The following GPC5 variants were observed in gnomAD, a reference collection of about 807,000 sequenced individuals.
The protein encoded by GPC5 is glypican-5.
In GPC5, 47 loss-of-function variants were observed where a neutral mutation model predicts 53.9. The ratio of observed to expected loss-of-function variants is 0.87; its 90% CI spans 0.69 to 1.11. The LOEUF (loss-of-function observed/expected upper bound fraction) is 1.11. GPC5 is among the 50% of genes most tolerant of loss of function. GPC5 has a pLI of 0.00. For missense variants in GPC5, 748 were observed against 713.1 expected (o/e 1.05, Z -0.56); for synonymous variants, 286 against 263.3 (o/e 1.09, Z -0.84).
chr13:91,834,228 G>C (rs2038696926), intron 5 of GPC5, among the ~76,000 whole-genome samples: 3 of 152,068 alleles, frequency 2.0e-5, no homozygotes, highest in South Asian at 2.1e-4. Context: ...ACAAACCACT[G>C]CTCAAGGCAA....
At chr13:91,551,739 T>TTGAA (rs755012888) in intron 2 of GPC5, among the ~76,000 whole-genome samples, 3 of 152,110 alleles carry the variant, frequency 2.0e-5, no homozygotes, top group Admixed American at 6.6e-5. Flanking sequence ...ACTTTTGAAT[T>TTGAA]TGAATGAATT....
intron 7 of GPC5, among the ~76,000 whole-genome samples, chr13:92,444,869 T>G (rs1352302938): frequency 6.6e-6 from 1 of 152,038 alleles, no homozygotes; most frequent in East Asian, 1.9e-4. Flanking sequence ...CATAGTCCAG[T>G]GACTCAGAGG....
chr13:91,687,889 T>C (rs1457029297), intron 2 of GPC5, among the ~76,000 whole-genome samples: 1 of 152,124 alleles, frequency 6.6e-6, no homozygotes, highest in African/African-American at 2.4e-5. Context: ...GTATTATAAC[T>C]GTAATGAAAG....
intron 7 of GPC5, among the ~76,000 whole-genome samples, chr13:92,443,046 A>G (rs944656442): frequency 2.0e-5 from 3 of 152,192 alleles, no homozygotes; most frequent in African/African-American, 7.2e-5. Flanking sequence ...ACAACCCTGC[A>G]GACTGCACAA....
Position 91,693,701 on chromosome 13 carries a change from C to G in GPC5, c.840C>G (p.Gly280=). 1 of 1,614,180 alleles carries G rather than the reference C, an allele frequency of 6.2e-7. No homozygotes were observed. The highest frequency in any genetic ancestry group is 1.3e-5 in the African/African-American group (1 of 75,056). The change falls in exon 3 of 8, where the codon GGC becomes GGG. Residue 280 remains glycine (G), a synonymous_variant. Transcript: ENST00000377067. Reference sequence around the variant, plus strand: ...GATACTGCCTCAATGTCATGCGAGGCTGCCTGGCGCACATGGCGGAGCTTA... The same window carrying G: ...GATACTGCCTCAATGTCATGCGAGGGTGCCTGGCGCACATGGCGGAGCTTA... The part of the protein sequence containing the change: ...CMGYCLNVMR[G]CLAHMAELNP...
At chr13:92,786,141 A>G (rs1876224421) in intron 7 of GPC5, among the ~76,000 whole-genome samples, 1 of 152,154 alleles carries the variant, frequency 6.6e-6, no homozygotes, top group African/African-American at 2.4e-5. Flanking sequence ...ATGATCACAC[A>G]AAATCTTTAT....
chr13:91,993,533 C>T (rs2138739332), intron 6 of GPC5, among the ~76,000 whole-genome samples: 1 of 152,208 alleles, frequency 6.6e-6, no homozygotes, highest in South Asian at 2.1e-4. Flanking sequence ...ATCAAAGTGT[C>T]AGCAGAAACA....
chr13:92,542,145 C>A (rs1464067087), intron 7 of GPC5, among the ~76,000 whole-genome samples: 1 of 151,900 alleles, frequency 6.6e-6, no homozygotes, highest in African/African-American at 2.4e-5. Context: ...GGGTAATTAG[C>A]ATATCCATCA....
At chr13:91,506,857 T>G (rs1468029307) in intron 2 of GPC5, among the ~76,000 whole-genome samples, 1 of 152,160 alleles carries the variant, frequency 6.6e-6, no homozygotes, top group Non-Finnish European at 1.5e-5. Context: ...ACTATTTGAT[T>G]ATTATGGTGA....
At chr13:92,728,960 C>A (rs1034634687) in intron 7 of GPC5, among the ~76,000 whole-genome samples, 1 of 151,236 alleles carries the variant, frequency 6.6e-6, no homozygotes, top group Non-Finnish European at 1.5e-5. Flanking sequence ...CTTATCCTCT[C>A]AGAAAAAAAC....
intron 7 of GPC5, among the ~76,000 whole-genome samples, chr13:92,191,529 G>A (rs2042222671): frequency 1.3e-5 from 2 of 152,078 alleles, no homozygotes; most frequent in African/African-American, 4.8e-5. Flanking sequence ...CTACCCAAAT[G>A]AATTAAAAAC....
chr13:92,864,287 T>C (rs1384798975), intron 7 of GPC5, among the ~76,000 whole-genome samples: 1 of 152,182 alleles, frequency 6.6e-6, no homozygotes, highest in Admixed American at 6.5e-5. Context: ...AACACCTTAA[T>C]GTAAGATGGT....
At chr13:91,554,318 C>T (rs2030818136) in intron 2 of GPC5, among the ~76,000 whole-genome samples, 1 of 151,754 alleles carries the variant, frequency 6.6e-6, no homozygotes, top group African/African-American at 2.4e-5. Context: ...AGAGACTCAA[C>T]ACATGCACGT....
intron 7 of GPC5, among the ~76,000 whole-genome samples, chr13:92,277,956 A>G (rs1466510169): frequency 6.6e-6 from 1 of 151,898 alleles, no homozygotes; most frequent in Non-Finnish European, 1.5e-5. Flanking sequence ...TTTGATTAAA[A>G]CTAATTATAT....
intron 1 of GPC5, among the ~76,000 whole-genome samples, chr13:91,434,242 A>T (rs1295452275): frequency 4.6e-5 from 7 of 152,048 alleles, no homozygotes; most frequent in Admixed American, 2.6e-4. Context: ...TTTGTTGCCA[A>T]CGCTTTTGGT....
At chr13:92,048,932 T>A (rs1429013619) in intron 6 of GPC5, among the ~76,000 whole-genome samples, 1 of 152,198 alleles carries the variant, frequency 6.6e-6, no homozygotes, top group Non-Finnish European at 1.5e-5. Context: ...AGAATAATCA[T>A]GATTTCAGTT....
intron 7 of GPC5, among the ~76,000 whole-genome samples, chr13:92,386,953 A>G (rs560757939): frequency 3.9e-5 from 6 of 152,176 alleles, no homozygotes; most frequent in African/African-American, 1.2e-4. Context: ...TTGGAATTCA[A>G]TTTCCAGTTT....
At chr13:91,953,047 C>T (rs2040041923) in intron 6 of GPC5, among the ~76,000 whole-genome samples, 1 of 152,048 alleles carries the variant, frequency 6.6e-6, no homozygotes, top group African/African-American at 2.4e-5. Context: ...ATATTAGAGA[C>T]TTTTAAAAGT....
intron 7 of GPC5, among the ~76,000 whole-genome samples, chr13:92,379,086 CAA>C (rs1005004050): frequency 3.3e-5 from 5 of 152,242 alleles, no homozygotes; most frequent in Non-Finnish European, 7.4e-5. Flanking sequence ...AGTAACTGGT[CAA>C]AGATTACTTG....
Sources: allele counts gnomAD v4.1 joint callset (sites outside exome capture counted in the v4.1 genomes callset), GRCh38; gene constraint gnomAD v4.1.1; transcripts MANE v1.5; gene names NCBI Gene and HGNC (gene_info 2026-07-23, HGNC 2026-07-21).